The following PCDHA7 variants were observed in gnomAD, a reference collection of about 807,000 sequenced individuals.
PCDHA7 encodes the protein protocadherin alpha-7.
A neutral mutation model predicts 57.2 loss-of-function variants in PCDHA7; 37 were observed. That is an observed-to-expected ratio of 0.65 (90% CI 0.50 to 0.85). The LOEUF (loss-of-function observed/expected upper bound fraction) is 0.85. Among genes scored for constraint, PCDHA7 ranks in the 40% least tolerant of loss-of-function variants. The pLI is 0.00. For missense variants in PCDHA7, 1,188 were observed against 1,241.8 expected, an observed-to-expected ratio of 0.96 and a Z score of 0.65; for synonymous variants, 553 against 558.8, an observed-to-expected ratio of 0.99 and a Z score of 0.15.
intron 1 of PCDHA7, among the ~76,000 whole-genome samples, chr5:140,920,150 G>A (rs2079485713): frequency 6.6e-6 from 1 of 152,244 alleles, no homozygotes; most frequent in South Asian, 2.1e-4. Flanking sequence ...CCAAACCTGG[G>A]AGAAAAACTG....
At chr5:140,928,718 T>C in intron 1 of PCDHA7, 1 of 1,614,174 alleles carries the variant, frequency 6.2e-7, no homozygotes, top group East Asian at 2.2e-5. Context: ...TCTAGTCTCT[T>C]TAGAATTTCA....
intron 1 of PCDHA7, chr5:140,856,888 TA>T (rs782463832): frequency 1.3e-6 from 2 of 1,596,688 alleles, no homozygotes; most frequent in Non-Finnish European, 1.7e-6. Context: ...TGTATTCATT[TA>T]GCTCTTTGGT....
chr5:140,883,804 G>T (rs373228578), intron 1 of PCDHA7: 1 of 1,612,420 alleles, frequency 6.2e-7, no homozygotes, highest in African/African-American at 1.3e-5. Context: ...CGGTGCACGC[G>T]GAGAGCGGCA....
chr5:140,856,169 G>C lies in PCDHA7; in HGVS notation c.2355+19431G>C, dbSNP rs200441286. ...CTCAGTCTACGAGGAGGCCAGACAC[G>C]GCACCTTCGTGGGCCGCATCGCGCA... On this transcript the variant is annotated intron_variant, in intron 1 of 3. Coordinates refer to ENST00000525929, the MANE Select transcript of PCDHA7 (RefSeq NM_018910.3). 4 of 1,598,346 alleles carry C rather than the reference G, an allele frequency of 2.5e-6. 1 individual carries two copies. Among genetic ancestry groups the C allele is most frequent in the Non-Finnish European group, 3.4e-6 (4 of 1,167,908 alleles).
chr5:140,898,161 T>G (rs1208656854), intron 1 of PCDHA7, among the ~76,000 whole-genome samples: 1 of 152,216 alleles, frequency 6.6e-6, no homozygotes, highest in Non-Finnish European at 1.5e-5. Context: ...CTGATGGTGG[T>G]TTCTTTTGCT....
At chr5:140,987,268 C>T (rs190952772) in intron 3 of PCDHA7, among the ~76,000 whole-genome samples, 177 of 151,894 alleles carry the variant, frequency 1.2e-3, no homozygotes, top group African/African-American at 4.1e-3. Flanking sequence ...GAATGGGACC[C>T]GGCAGTCTAT....
At chr5:140,880,857 A>G (rs1296520788) in intron 1 of PCDHA7, among the ~76,000 whole-genome samples, 1 of 152,234 alleles carries the variant, frequency 6.6e-6, no homozygotes, top group African/African-American at 2.4e-5. Flanking sequence ...ATGTAGTCTA[A>G]TTATGTGAAG....
chr5:140,848,221 A>T, intron 1 of PCDHA7: 1 of 378,712 alleles, frequency 2.6e-6, no homozygotes, highest in Non-Finnish European at 4.7e-6. Context: ...AGAAAAAATT[A>T]AGAAAATGAA....
At chr5:140,922,815 C>G (rs2081002299) in intron 1 of PCDHA7, among the ~76,000 whole-genome samples, 2 of 152,158 alleles carry the variant, frequency 1.3e-5, no homozygotes, top group Non-Finnish European at 2.9e-5. Context: ...AAAGGAGATA[C>G]AGCATACTGC....
At chr5:140,946,097 C>T (rs1452170851) in intron 1 of PCDHA7, among the ~76,000 whole-genome samples, 1 of 151,826 alleles carries the variant, frequency 6.6e-6, no homozygotes, top group Admixed American at 6.6e-5. Context: ...AAGGAGTTAA[C>T]ATACCAAATA....
Position 140,876,717 on chromosome 5 carries a change from C to T in PCDHA7, c.2355+39979C>T, listed in dbSNP as rs377702421. ...TGGTGCTGGACAGCGCCCTGGACCG[C>T]GAGAGCGTGTCGGCCTATGAGCTGG... On this transcript the variant is annotated intron_variant, in intron 1 of 3. Coordinates refer to ENST00000525929, the MANE Select transcript of PCDHA7 (RefSeq NM_018910.3). The T allele has an allele frequency of 3.7e-6, 6 of 1,614,118 alleles. No homozygotes were observed. The African/African-American group carries it at 5.3e-5, about 14-fold the overall frequency.
chr5:140,877,341 C>G, intron 1 of PCDHA7: 3 of 1,614,010 alleles, frequency 1.9e-6, no homozygotes, highest in South Asian at 2.2e-5. Flanking sequence ...TCCCGTTCCA[C>G]GTGGGGCTGT....
intron 1 of PCDHA7, chr5:140,871,116 C>G (rs200344692): frequency 6.2e-7 from 1 of 1,613,264 alleles, no homozygotes; most frequent in East Asian, 2.2e-5. Flanking sequence ...TGGTGGAGAG[C>G]GGACAGGCGC....
chr5:140,925,822 T>C (rs1554202964), intron 1 of PCDHA7, among the ~76,000 whole-genome samples: 1 of 152,156 alleles, frequency 6.6e-6, no homozygotes, highest in African/African-American at 2.4e-5. Flanking sequence ...ACGTCTTCTT[T>C]GGGGACGGGT....
chr5:140,875,394 G>T, intron 1 of PCDHA7: 1 of 1,476,976 alleles, frequency 6.8e-7, no homozygotes, highest in South Asian at 1.4e-5. Context: ...TACAGAAAAG[G>T]GTGACTGCTC....
intron 1 of PCDHA7, among the ~76,000 whole-genome samples, chr5:140,846,656 G>C (rs1291638062): frequency 6.7e-6 from 1 of 149,228 alleles, no homozygotes; most frequent in East Asian, 1.9e-4. Context: ...TTACAGGCAT[G>C]AGCCACCGCG....
At chr5:141,005,437 C>T (rs1469007749) in intron 3 of PCDHA7, among the ~76,000 whole-genome samples, 4 of 152,092 alleles carry the variant, frequency 2.6e-5, no homozygotes, top group African/African-American at 7.2e-5. Context: ...GGATGAGAGG[C>T]TCACGCCTGT....
intron 1 of PCDHA7, chr5:140,927,658 C>T (rs782350503): frequency 5.0e-6 from 8 of 1,614,094 alleles, no homozygotes; most frequent in Non-Finnish European, 6.8e-6. Context: ...ATTCCGAGTT[C>T]AAGCCTTGGA....
chr5:140,916,692 C>T (rs968252842), intron 1 of PCDHA7, among the ~76,000 whole-genome samples: 47 of 152,270 alleles, frequency 3.1e-4, no homozygotes, highest in African/African-American at 1.0e-3. Flanking sequence ...TCTTTTCTCT[C>T]CTCTCCTTAA....
Sources: gnomAD v4.1 joint callset for allele counts (sites outside exome capture counted in the v4.1 genomes callset) on GRCh38, gnomAD v4.1.1 for gene constraint, MANE v1.5 for transcripts, NCBI Gene and HGNC (gene_info 2026-07-23, HGNC 2026-07-21) for gene names.